PTPRD: variants seen among roughly 807,000 people sequenced by gnomAD.
PTPRD encodes the protein receptor-type tyrosine-protein phosphatase delta.
PTPRD carries 34 observed loss-of-function variants against 214.5 expected under a neutral mutation model. The observed-to-expected ratio is 0.16, with a 90% confidence interval of 0.12 to 0.21. The LOEUF (loss-of-function observed/expected upper bound fraction) is 0.21, where lower values mean the gene tolerates loss of function less well. Among genes scored for constraint, PTPRD ranks in the 10% least tolerant of loss-of-function variants. The pLI, the probability that PTPRD is intolerant of heterozygous loss-of-function variation, is 1.00. For synonymous variants in PTPRD, 1,128 were observed against 845.7 expected (o/e 1.33, Z -5.79); for missense variants, 2,545 against 2,398.7 (o/e 1.06, Z -1.27).
rs146397244 is a variant in PTPRD, at chr9:9,090,272, A to G, written c.-142-71537T>C. On this transcript the variant is annotated intron_variant, in intron 10 of 45. Coordinates refer to ENST00000381196, the MANE Select transcript of PTPRD (RefSeq NM_002839.4). ...TCTATTCTCTACCTCTATAAGGTAC[A>G]CTTTTTTAGCCCCCACATATAAGTG... Among the ~76,000 whole-genome samples, 1,248 of 152,126 alleles carry G rather than the reference A, an allele frequency of 8.2e-3. 15 individuals carry two copies. The highest frequency in any genetic ancestry group is 0.029 in the African/African-American group (1,208 of 41,488).
chr9:10,310,241 T>C (rs558467565), intron 3 of PTPRD, among the ~76,000 whole-genome samples: 99 of 152,198 alleles, frequency 6.5e-4, no homozygotes, highest in Non-Finnish European at 9.7e-4. Context: ...GAGAAATGTA[T>C]GTAGCATTTA....
chr9:9,627,413 G>A (rs10977889), intron 7 of PTPRD, among the ~76,000 whole-genome samples: 25,132 of 152,054 alleles, frequency 0.17, 3,153 homozygotes, highest in African/African-American at 0.35. Context: ...TTAATAATTT[G>A]TTACTTTGCT....
intron 2 of PTPRD, among the ~76,000 whole-genome samples, chr9:10,485,879 T>C (rs1324568303): frequency 1.3e-5 from 2 of 152,236 alleles, no homozygotes; most frequent in East Asian, 1.9e-4. Context: ...CAGTTTCTCA[T>C]AGTAGATACT....
chr9:8,661,449 G>C (rs2154354613), intron 12 of PTPRD, among the ~76,000 whole-genome samples: 1 of 152,056 alleles, frequency 6.6e-6, no homozygotes, highest in East Asian at 1.9e-4. Context: ...TAGAAAAAAT[G>C]ACTTTGTATT....
At chr9:8,779,218 C>G (rs924416339) in intron 11 of PTPRD, among the ~76,000 whole-genome samples, 1 of 152,136 alleles carries the variant, frequency 6.6e-6, no homozygotes, top group Admixed American at 6.5e-5. Context: ...TAAAGAACAA[C>G]AAGAATCTGT....
At chr9:8,666,376 T>C (rs1186515609) in intron 12 of PTPRD, among the ~76,000 whole-genome samples, 3 of 152,330 alleles carry the variant, frequency 2.0e-5, no homozygotes, top group East Asian at 1.9e-4. Context: ...ATTCTTTCTA[T>C]TTCTGTTATT....
chr9:9,413,435 A>G (rs2076127463), intron 8 of PTPRD, among the ~76,000 whole-genome samples: 2 of 152,174 alleles, frequency 1.3e-5, no homozygotes, highest in South Asian at 2.1e-4. Flanking sequence ...ATTTTAAATC[A>G]TGTTTCTACA....
At chr9:8,478,050 C>A (rs1458010409) in intron 30 of PTPRD, among the ~76,000 whole-genome samples, 1 of 152,152 alleles carries the variant, frequency 6.6e-6, no homozygotes, top group African/African-American at 2.4e-5. Context: ...ACCTAGTATG[C>A]CCTCTGTTCG....
intron 7 of PTPRD, among the ~76,000 whole-genome samples, chr9:9,578,731 A>C (rs1468107489): frequency 6.6e-6 from 1 of 152,096 alleles, no homozygotes; most frequent in Non-Finnish European, 1.5e-5. Context: ...ATTATTTTCC[A>C]CATTTTCACA....
At chr9:9,145,324 T>A (rs1435793333) in intron 10 of PTPRD, among the ~76,000 whole-genome samples, 1 of 152,216 alleles carries the variant, frequency 6.6e-6, no homozygotes, top group Admixed American at 6.5e-5. Context: ...ATAGCAGGTT[T>A]AAGCTGCCAT....
intron 2 of PTPRD, among the ~76,000 whole-genome samples, chr9:10,387,979 A>G (rs2097958183): frequency 6.6e-6 from 1 of 151,330 alleles, no homozygotes; most frequent in Admixed American, 6.6e-5. Context: ...TTCTTTTTAG[A>G]GTTGTCTCAA....
At chr9:10,014,843 G>GT (rs1033929057) in intron 4 of PTPRD, among the ~76,000 whole-genome samples, 6 of 151,984 alleles carry the variant, frequency 3.9e-5, no homozygotes, top group African/African-American at 1.2e-4. Flanking sequence ...ATTTAATTGT[G>GT]TTTTTTCTTC....
chr9:10,346,302 T>A (rs1273105140), intron 2 of PTPRD, among the ~76,000 whole-genome samples: 1 of 152,156 alleles, frequency 6.6e-6, no homozygotes, highest in Non-Finnish European at 1.5e-5. Context: ...TGTCCAGGAA[T>A]GAACATGACA....
chr9:10,248,787 CA>C, intron 3 of PTPRD, among the ~76,000 whole-genome samples: 2 of 151,998 alleles, frequency 1.3e-5, no homozygotes, highest in South Asian at 2.1e-4. Flanking sequence ...TTGGGTAGCT[CA>C]AAAATCTTGT....
intron 10 of PTPRD, among the ~76,000 whole-genome samples, chr9:9,181,361 G>A (rs1889820): frequency 6.6e-6 from 1 of 151,546 alleles, no homozygotes; most frequent in African/African-American, 2.4e-5. Flanking sequence ...CTGACTGTGT[G>A]CTATGATTCA....
intron 7 of PTPRD, among the ~76,000 whole-genome samples, chr9:9,712,054 A>T (rs2097745666): frequency 6.6e-6 from 1 of 151,996 alleles, no homozygotes; most frequent in Admixed American, 6.6e-5. Context: ...ACTTAGCAAA[A>T]CTCAAAAATT....
At chr9:9,071,015 G>A (rs1232582394) in intron 10 of PTPRD, among the ~76,000 whole-genome samples, 2 of 152,142 alleles carry the variant, frequency 1.3e-5, no homozygotes, top group Admixed American at 1.3e-4. Context: ...CTGGGCCCAA[G>A]TGATCCTCCC....
intron 37 of PTPRD, among the ~76,000 whole-genome samples, chr9:8,386,349 C>T (rs1218047135): frequency 6.6e-6 from 1 of 152,204 alleles, no homozygotes; most frequent in African/African-American, 2.4e-5. Flanking sequence ...CTTTTCTCCC[C>T]TCTTCCCTGC....
intron 3 of PTPRD, among the ~76,000 whole-genome samples, chr9:10,303,337 C>T (rs181928956): frequency 4.3e-4 from 65 of 152,086 alleles, no homozygotes; most frequent in African/African-American, 1.4e-3. Context: ...ACCCTAACAT[C>T]ACAATTAAAA....
Sources: gnomAD v4.1 joint callset for allele counts (sites outside exome capture counted in the v4.1 genomes callset) on GRCh38, gnomAD v4.1.1 for gene constraint, MANE v1.5 for transcripts, NCBI Gene and HGNC (gene_info 2026-07-23, HGNC 2026-07-21) for gene names.